PLEKHH1: variants seen among roughly 807,000 people sequenced by gnomAD.
The protein encoded by PLEKHH1 is pleckstrin homology domain-containing family H member 1.
PLEKHH1 carries 104 observed loss-of-function variants against 160.0 expected under a neutral mutation model. The observed-to-expected ratio is 0.65, with a 90% confidence interval of 0.55 to 0.76. PLEKHH1 has a LOEUF of 0.76. Ranked by LOEUF, PLEKHH1 falls within the 30% of genes least tolerant of loss-of-function variation. PLEKHH1 has a pLI of 0.00. For synonymous variants in PLEKHH1, 619 were observed against 678.4 expected (o/e 0.91, Z 1.36); for missense variants, 1,427 against 1,724.1 (o/e 0.83, Z 3.05).
At chr14:67,571,050 T>G (rs557994766) in intron 9 of PLEKHH1, 10 of 152,356 alleles carry the variant, frequency 6.6e-5, no homozygotes, top group Non-Finnish European at 1.3e-4. Flanking sequence ...AGGTGTCCAG[T>G]ACCCTTGGTA....
rs1751035094 is a variant in PLEKHH1 at position 67,589,478 on chromosome 14, A to G, written c.*2243A>G. ...GAAAAGTATTAATGTGCTTGACACC[A>G]TGACTGAAATACTATGATCTTGTTT... On this transcript the variant is annotated 3_prime_UTR_variant, in exon 29 of 29. Coordinates refer to ENST00000329153, the MANE Select transcript of PLEKHH1 (RefSeq NM_020715.3). 3 of 985,226 alleles carry G rather than the reference A, an allele frequency of 3.0e-6. No individual in the cohort carries two copies. The highest frequency in any genetic ancestry group is 3.6e-6 in the Non-Finnish European group (3 of 829,708). 61.0% of individuals were successfully genotyped at this position (985,226 alleles called of 1,614,324 possible). A position where few individuals can be genotyped will look rare whatever the true frequency, so the allele number is the denominator to read the frequency against.
In PLEKHH1 at chr14:67,562,742, C is replaced by G. The variant is rs553746041; in HGVS notation, c.1111C>G (p.Arg371Gly). 2.5e-6 allele frequency: 4 copies of G among 1,613,628 alleles called. No homozygotes were observed. The South Asian group carries it at 4.4e-5, about 18-fold the overall frequency. The change falls in exon 7 of 29, where the codon CGG (arginine) becomes GGG (glycine). Residue 371 changes from arginine (R) to glycine (G), a missense_variant. By Grantham distance (125) the Arg-to-Gly change is moderately radical. This residue lies in a region of PLEKHH1 where 831 missense variants were observed against 929.2 expected (regional missense o/e 0.89). Coordinates refer to ENST00000329153, the MANE Select transcript of PLEKHH1 (RefSeq NM_020715.3). Reference sequence around the variant, plus strand: ...TGAGCTGGAGTCCCGAGCTAGGTCCCGGGAGGAACCAGAGAAGATGGAGAT... The same window carrying G: ...TGAGCTGGAGTCCCGAGCTAGGTCCGGGGAGGAACCAGAGAAGATGGAGAT... ...LPELESRARS[R>G]EEPEKMEMEE...
chr14:67,535,887 G>A lies in PLEKHH1; in HGVS notation c.-35+2489G>A, dbSNP rs1175207119. Reference sequence around the variant, plus strand: ...AAGGTTGGAAAATGGTTAAATGACGGTTTCATATGGTTCAACCAAATATTA... The same window carrying A: ...AAGGTTGGAAAATGGTTAAATGACGATTTCATATGGTTCAACCAAATATTA... On this transcript the variant is annotated intron_variant, in intron 1 of 28. Transcript: ENST00000329153. Among the ~76,000 whole-genome samples the A allele has an allele frequency of 2.0e-5, 3 of 152,192 alleles. No individual in the cohort carries two copies. In the East Asian group the frequency reaches 5.8e-4, roughly 29 times the overall value.
Position 67,573,927 on chromosome 14 carries a change from G to C in PLEKHH1, c.1926+40G>C, listed in dbSNP as rs938603632. The C allele has an allele frequency of 6.8e-7, 1 of 1,466,042 alleles. No homozygotes were observed. Among genetic ancestry groups the C allele is most frequent in the African/African-American group, 1.4e-5 (1 of 72,188 alleles). 90.8% of individuals were successfully genotyped at this position (1,466,042 alleles called of 1,614,324 possible). On this transcript the variant is annotated intron_variant, in intron 13 of 28. Transcript: ENST00000329153. This position sits in a 1 kb window ranked among gnomAD's most constrained non-coding sequence, Gnocchi z 4.8. ...GGCTGCTAGTATTTTAAACAGAAGA[G>C]GTGCTGGGTTTGGATATGGCCGTGA...
chr14:67,575,805 G>C lies in PLEKHH1; in HGVS notation c.2170-18G>C, dbSNP rs1467333511. The stretch of plus-strand genomic sequence containing the variant: ...TCCCCCACTGGCTCTCCCATTCATG[G>C]AAGACTGCTGTCCACAGCGACCCCT... On this transcript the variant is annotated intron_variant, in intron 15 of 28. Transcript: ENST00000329153. 4.4e-6 allele frequency: 7 copies of C among 1,604,518 alleles called. No homozygotes were observed. The highest frequency in any genetic ancestry group is 6.0e-6 in the Non-Finnish European group (7 of 1,173,328).
chr14:67,539,794 G>A (rs76963974), intron 1 of PLEKHH1, among the ~76,000 whole-genome samples: 1,553 of 152,256 alleles, frequency 0.01, 34 homozygotes, highest in African/African-American at 0.035. Flanking sequence ...TAGCTTCTCT[G>A]TTCCTCAGTG....
intron 22 of PLEKHH1, chr14:67,580,203 C>T (rs561902506): frequency 1.1e-4 from 27 of 238,176 alleles, no homozygotes; most frequent in African/African-American, 5.6e-4. Flanking sequence ...CGTGCCCACT[C>T]AGAGGCTCAC....
rs758070749 is a variant in PLEKHH1, at chr14:67,573,391, G to C, written c.1839+5G>C. 3 of 1,534,090 alleles carry C rather than the reference G, an allele frequency of 2.0e-6. No individual in the cohort carries two copies. The highest frequency in any genetic ancestry group is 2.7e-6 in the Non-Finnish European group (3 of 1,107,064). On this transcript the variant is annotated splice_donor_5th_base_variant and intron_variant, in intron 12 of 28. Coordinates refer to ENST00000329153, the MANE Select transcript of PLEKHH1 (RefSeq NM_020715.3). The surrounding 1 kb of genome is among the most constrained non-coding windows in gnomAD (Gnocchi z 4.8). ...ATTATGTACTACAAGTCCCCGGTGA[G>C]AGTCTCCCCGCCCAGCACTGCAGTC...
chr14:67,545,579 A>G (rs2034143988), intron 2 of PLEKHH1, among the ~76,000 whole-genome samples: 1 of 152,258 alleles, frequency 6.6e-6, no homozygotes, highest in African/African-American at 2.4e-5. Flanking sequence ...AGTGGCAGAA[A>G]TAAATCCAAA....
At position 67,571,917 on chromosome 14, in the gene PLEKHH1, A is replaced by T. The variant is rs1394064597; in HGVS notation, c.1585+15A>T. 4 of 1,597,536 alleles carry T rather than the reference A, an allele frequency of 2.5e-6. No homozygotes were observed. The East Asian group carries it at 9.0e-5, about 36-fold the overall frequency. On this transcript the variant is annotated intron_variant, in intron 10 of 28. Transcript: ENST00000329153. ...CATCAAGAGAGGTACAGAGAAGGGGAGCAGGGGCAGGGTGCAGCAGCAAGG... is the reference window on the plus strand; with the variant it reads ...CATCAAGAGAGGTACAGAGAAGGGGTGCAGGGGCAGGGTGCAGCAGCAAGG...
intron 7 of PLEKHH1, among the ~76,000 whole-genome samples, chr14:67,564,364 A>G (rs2034984870): frequency 1.3e-5 from 2 of 152,146 alleles, no homozygotes; most frequent in Non-Finnish European, 2.9e-5. Flanking sequence ...TTCAGAAGCA[A>G]TGATCTGGTT....
intron 2 of PLEKHH1, among the ~76,000 whole-genome samples, chr14:67,554,186 T>C (rs1171653547): frequency 6.6e-6 from 1 of 152,220 alleles, no homozygotes; most frequent in Non-Finnish European, 1.5e-5. Flanking sequence ...AAATATGAAC[T>C]ACTGCTTCCA....
intron 9 of PLEKHH1, 103 bp from the exon 10 acceptor site, chr14:67,571,649 G>T (rs558868005): frequency 7.9e-5 from 93 of 1,173,312 alleles, no homozygotes; most frequent in Middle Eastern, 2.0e-4. Context: ...CCGGCTGGGG[G>T]TTGGCCACAC....
chr14:67,550,809 A>C (rs2034366265), intron 2 of PLEKHH1, among the ~76,000 whole-genome samples: 1 of 152,238 alleles, frequency 6.6e-6, no homozygotes, highest in African/African-American at 2.4e-5. Flanking sequence ...CTCTGGAGCC[A>C]GTCTACTTGA....
intron 2 of PLEKHH1, among the ~76,000 whole-genome samples, chr14:67,549,908 A>G (rs986325373): frequency 1.3e-5 from 2 of 152,220 alleles, no homozygotes; most frequent in African/African-American, 4.8e-5. Flanking sequence ...CAAAGCCCAC[A>G]TGTGATTCTT....
Position 67,578,171 on chromosome 14 carries a change from G to A in PLEKHH1, c.2723G>A (p.Arg908His), listed in dbSNP as rs376699596. The stretch of plus-strand genomic sequence containing the variant: ...CAACTCATGAAGCAGACCAGCTGCC[G>A]CCCACCTCAGAAGTACTCCCTCATG... ...YCQLMKQTSC[R>H]PPQKYSLMQC... Residue 908 changes from arginine (R) to histidine (H), a missense_variant, in exon 19 of 29, where the codon CGC (arginine) becomes CAC (histidine). This residue lies in a region of PLEKHH1 where 436 missense variants were observed against 607.5 expected (regional missense o/e 0.72). Transcript: ENST00000329153. This position sits in a 1 kb window ranked among gnomAD's most constrained non-coding sequence, Gnocchi z 5.0. 16 of 1,613,748 alleles carry A rather than the reference G, an allele frequency of 9.9e-6. No homozygotes were observed. The highest frequency in any genetic ancestry group is 5.5e-5 in the South Asian group (5 of 91,074).
At chr14:67,569,312 G>C (rs1441462897) in intron 8 of PLEKHH1, 96 bp downstream of exon 8, 2 of 855,658 alleles carry the variant, frequency 2.3e-6, no homozygotes, top group African/African-American at 3.3e-5. Context: ...CCAGGGCCAG[G>C]GTTGGCTGGC....
At chr14:67,541,129 G>A (rs1437243524) in intron 1 of PLEKHH1, among the ~76,000 whole-genome samples, 1 of 152,258 alleles carries the variant, frequency 6.6e-6, no homozygotes, top group Middle Eastern at 3.4e-3. Context: ...GATAACAATG[G>A]ACACAATCCC....
intron 5 of PLEKHH1, among the ~76,000 whole-genome samples, chr14:67,561,051 T>C (rs1350278766): frequency 6.6e-6 from 1 of 152,142 alleles, no homozygotes; most frequent in Non-Finnish European, 1.5e-5. Context: ...CATCTTTTCC[T>C]CTGTCCTCAC....
Sources: allele counts gnomAD v4.1 joint callset (sites outside exome capture counted in the v4.1 genomes callset), GRCh38; gene constraint gnomAD v4.1.1; regional missense constraint gnomAD v4.1.1; non-coding constraint Gnocchi (gnomAD v3.1); transcripts MANE v1.5; gene names NCBI Gene and HGNC (gene_info 2026-07-23, HGNC 2026-07-21).